RNPEP: variants seen among roughly 807,000 people sequenced by gnomAD.
The protein encoded by RNPEP is aminopeptidase B.
Under a neutral mutation model 70.1 loss-of-function variants are expected in RNPEP, and 57 were observed. The ratio of observed to expected loss-of-function variants is 0.81; its 90% CI spans 0.66 to 1.01. RNPEP has a LOEUF of 1.01. Among genes scored for constraint, RNPEP ranks in the 50% least tolerant of loss-of-function variants. The pLI is 0.00. For synonymous variants in RNPEP, 335 were observed against 357.4 expected (o/e 0.94, Z 0.71); for missense variants, 787 against 852.4 (o/e 0.92, Z 0.96).
At chr1:201,998,158 A>G (rs1683636450) in intron 5 of RNPEP, among the ~76,000 whole-genome samples, 2 of 151,772 alleles carry the variant, frequency 1.3e-5, no homozygotes, top group African/African-American at 2.4e-5. Flanking sequence ...ATTTCCTTAC[A>G]CATAAATGTC....
chr1:201,994,788 T>C (rs568090697), intron 3 of RNPEP, among the ~76,000 whole-genome samples: 1 of 148,258 alleles, frequency 6.7e-6, no homozygotes, highest in Non-Finnish European at 1.5e-5. Flanking sequence ...TGCCTCAGCC[T>C]CTCAGGTAGC....
intron 4 of RNPEP, 164 bp downstream of exon 4, chr1:201,996,427 C>T (rs1056141716): frequency 1.5e-6 from 1 of 658,328 alleles, no homozygotes; most frequent in African/African-American, 1.8e-5. Context: ...CCAGGCTTCT[C>T]ACTGTTGCTG....
chr1:201,982,880 C>G lies in RNPEP; in HGVS notation c.214C>G (p.Pro72Ala), dbSNP rs1224221625. 1 of 1,408,520 alleles carries G rather than the reference C, an allele frequency of 7.1e-7. No individual in the cohort carries two copies. The allele number at this position is 1,408,520 out of a possible 1,614,324, so 87.3% of individuals were successfully genotyped here. Reference protein sequence around the residue: ...TAVLDLRCLEPEGAAELRLDS... With the variant: ...TAVLDLRCLEAEGAAELRLDS... ...GGTCCTGGACCTGCGCTGCCTGGAGCCCGAGGGCGCCGCCGAGCTGCGGCT... is the reference window on the plus strand; with the variant it reads ...GGTCCTGGACCTGCGCTGCCTGGAGGCCGAGGGCGCCGCCGAGCTGCGGCT... The change falls in exon 1 of 11, where the codon CCC (proline) becomes GCC (alanine). Residue 72 changes from proline (P) to alanine (A), a missense_variant. Transcript: ENST00000295640.
In RNPEP at chr1:202,005,711, A is replaced by G. The variant is rs200332461; in HGVS notation, c.1948A>G (p.Ser650Gly). 2 of 1,614,176 alleles carry G rather than the reference A, an allele frequency of 1.2e-6. No individual in the cohort carries two copies. The highest frequency in any genetic ancestry group is 4.5e-5 in the East Asian group (2 of 44,894). ...YVQQIVAPKG[S>G] is the part of the protein sequence containing the mutation. ...CCAGCAGATCGTGGCACCCAAGGGC[A>G]GTTAGAGGCTCGTGTGCATGGCCCC... Residue 650 changes from serine (S) to glycine (G), a missense_variant, in exon 11 of 11, where the codon AGT becomes GGT. Physicochemically the swap from Ser to Gly is moderately conservative, Grantham distance 56. Coordinates refer to ENST00000295640, the MANE Select transcript of RNPEP (RefSeq NM_020216.4).
At chr1:201,995,507 AC>A (rs34716143) in intron 3 of RNPEP, among the ~76,000 whole-genome samples, 61,986 of 151,668 alleles carry the variant, frequency 0.41, 13,932 homozygotes, top group Non-Finnish European at 0.51. Flanking sequence ...ACATAGCGAA[AC>A]CCTACCTCTA....
chr1:202,004,356 A>T lies in RNPEP; in HGVS notation c.1654A>T (p.Asn552Tyr). The change falls in exon 10 of 11, where the codon AAT becomes TAT. Residue 552 changes from asparagine (N) to tyrosine (Y), a missense_variant and splice_region_variant. Asn to Tyr is a moderately radical substitution (Grantham distance 143). Coordinates refer to ENST00000295640, the MANE Select transcript of RNPEP (RefSeq NM_020216.4). The stretch of plus-strand genomic sequence containing the variant: ...AACCATTTCTTTCTCTTCTCCAGGG[A>T]ATGTGAAAAAACTTGGAGACACATA... ...ILQKSPLPPG[N>Y]VKKLGDTYPS... The T allele has an allele frequency of 6.2e-7, 1 of 1,614,032 alleles. No homozygotes were observed. The highest frequency in any genetic ancestry group is 1.6e-4 in the Middle Eastern group (1 of 6,062).
intron 4 of RNPEP, among the ~76,000 whole-genome samples, chr1:201,996,896 G>C (rs1478589215): frequency 6.6e-6 from 1 of 152,116 alleles, no homozygotes; most frequent in African/African-American, 2.4e-5. Context: ...CCCATTGCTG[G>C]AAGTTTCCCC....
chr1:201,992,775 A>G (rs996587488), intron 3 of RNPEP, among the ~76,000 whole-genome samples: 1 of 152,196 alleles, frequency 6.6e-6, no homozygotes, highest in Admixed American at 6.5e-5. Flanking sequence ...TGGGAGATGT[A>G]GAAAATAGTG....
intron 4 of RNPEP, among the ~76,000 whole-genome samples, chr1:201,996,818 A>AT (rs35619336): frequency 0.044 from 6,633 of 152,158 alleles, 204 homozygotes; most frequent in Non-Finnish European, 0.064. Flanking sequence ...GGTGTTCAAA[A>AT]TGTGACCTGC....
chr1:201,997,413 C>T lies in RNPEP; in HGVS notation c.949C>T (p.Arg317Cys), dbSNP rs79980228. Residue 317 changes from arginine (R) to cysteine (C), a missense_variant, in exon 5 of 11, where the codon CGC (arginine) becomes TGC (cysteine). By Grantham distance (180) the Arg-to-Cys change is radical. Coordinates refer to ENST00000295640, the MANE Select transcript of RNPEP (RefSeq NM_020216.4). ...CACCCCCTGCCTGCTAGCTGGGGAC[C>T]GCTCCTTGGCAGATGTCATCATCCA... ...FVTPCLLAGD[R>C]SLADVIIHEI... 5,252 of 1,614,072 alleles carry T rather than the reference C, an allele frequency of 3.3e-3. 151 individuals are homozygous for T. The African/African-American group carries it at 0.062, about 19-fold the overall frequency.
At position 201,997,391 on chromosome 1, in the gene RNPEP, C is replaced by T. The variant is rs1189805485; in HGVS notation, c.927C>T (p.Thr309=). ...GMENPCLTFV[T]PCLLAGDRSL... ...AGAACCCTTGTCTGACCTTTGTCAC[C>T]CCCTGCCTGCTAGCTGGGGACCGCT... Residue 309 remains threonine, a synonymous_variant, in exon 5 of 11, where the codon ACC becomes ACT. Coordinates refer to ENST00000295640, the MANE Select transcript of RNPEP (RefSeq NM_020216.4). 6.2e-7 allele frequency: 1 copy of T among 1,614,120 alleles called. No individual in the cohort carries two copies. The highest frequency in any genetic ancestry group is 8.5e-7 in the Non-Finnish European group (1 of 1,180,038).
rs1371836998 is a variant in RNPEP, at chr1:202,004,506, C to T, written c.1794+10C>T. Reference sequence around the variant, plus strand: ...GTTCCTGCATAACCAGGTGGGTGACCCCTGCCTCGCTGTTCCCGAAAGCAC... The same window carrying T: ...GTTCCTGCATAACCAGGTGGGTGACTCCTGCCTCGCTGTTCCCGAAAGCAC... On this transcript the variant is annotated intron_variant, in intron 10 of 10. Transcript: ENST00000295640. 1.2e-6 allele frequency: 2 copies of T among 1,612,300 alleles called. No individual in the cohort carries two copies. Among genetic ancestry groups the T allele is most frequent in the East Asian group, 2.2e-5 (1 of 44,880 alleles).
In RNPEP at chr1:201,996,152, G is replaced by T. The variant is rs777231337; in HGVS notation, c.743G>T (p.Arg248Leu). ...CTCTGCTCTCTTGTCTTTAGGAGCC[G>T]GGTGTGGGCTGAGCCCTGCCTGATT... ...LVSAEVGPRS[R>L]VWAEPCLIDA... Residue 248 changes from arginine to leucine, a missense_variant, in exon 4 of 11, where the codon CGG becomes CTG. By Grantham distance (102) the Arg-to-Leu change is moderately radical. Coordinates refer to ENST00000295640, the MANE Select transcript of RNPEP (RefSeq NM_020216.4). The T allele has an allele frequency of 1.9e-6, 3 of 1,613,414 alleles. No homozygotes were observed. The highest frequency in any genetic ancestry group is 2.5e-6 in the Non-Finnish European group (3 of 1,179,498).
intron 3 of RNPEP, chr1:201,995,684 A>T (rs77093865): frequency 0.017 from 2,743 of 157,806 alleles, 84 homozygotes; most frequent in African/African-American, 0.061. Flanking sequence ...CTTAAAAAAA[A>T]AATAAAAAAG....
At chr1:201,983,691 A>C in intron 1 of RNPEP, 1 of 1,172,914 alleles carries the variant, frequency 8.5e-7, no homozygotes, top group South Asian at 1.7e-5. Flanking sequence ...TTTGAGTAAA[A>C]GTGAGAACTG....
chr1:201,992,502 T>C (rs1683377154), intron 3 of RNPEP, among the ~76,000 whole-genome samples: 1 of 152,132 alleles, frequency 6.6e-6, no homozygotes. Context: ...CTGACTCTGC[T>C]AACCTTCCAG....
At chr1:201,997,989 A>G (rs937522148) in intron 5 of RNPEP, among the ~76,000 whole-genome samples, 1 of 152,038 alleles carries the variant, frequency 6.6e-6, no homozygotes. Flanking sequence ...TCTCGAACTC[A>G]TGACCTCAGG....
At chr1:201,995,884 T>C in intron 3 of RNPEP, 1 of 404,946 alleles carries the variant, frequency 2.5e-6, no homozygotes, top group Non-Finnish European at 4.4e-6. Context: ...TTAAATCACT[T>C]TTGCAAGATC....
Position 202,004,400 on chromosome 1 carries a change from C to T in RNPEP, c.1698C>T (p.Ala566=). Reference sequence around the variant, plus strand: ...ACACATACCCAAGTATCTCAAATGCCCGGAATGCAGAGCTCCGGCTGCGAT... The same window carrying T: ...ACACATACCCAAGTATCTCAAATGCTCGGAATGCAGAGCTCCGGCTGCGAT... ...LGDTYPSISN[A]RNAELRLRWG... The change falls in exon 10 of 11, where the codon GCC becomes GCT. Residue 566 remains alanine (A), a synonymous_variant. Transcript: ENST00000295640. The T allele has an allele frequency of 6.2e-7, 1 of 1,614,082 alleles. No individual in the cohort carries two copies. The highest frequency in any genetic ancestry group is 2.2e-5 in the East Asian group (1 of 44,874).
Sources: gnomAD v4.1 joint callset for allele counts (sites outside exome capture counted in the v4.1 genomes callset) on GRCh38, gnomAD v4.1.1 for gene constraint, MANE v1.5 for transcripts, NCBI Gene and HGNC (gene_info 2026-07-23, HGNC 2026-07-21) for gene names.